Variants in CLCN3 observed in about 807,000 individuals in gnomAD.
CLCN3 encodes H(+)/Cl(-) exchange transporter 3.
Under a neutral mutation model 83.4 loss-of-function variants are expected in CLCN3, and 16 were observed. The observed-to-expected ratio is 0.19, with a 90% CI of 0.13 to 0.29. The LOEUF (loss-of-function observed/expected upper bound fraction) is 0.29, where lower values mean the gene tolerates loss of function less well. Among genes scored for constraint, CLCN3 ranks in the 10% least tolerant of loss-of-function variants. The probability of loss-of-function intolerance (pLI) is 1.00; values close to 1 mark genes in which losing one functional copy is unlikely to be tolerated. For synonymous variants in CLCN3, 322 were observed against 346.2 expected (o/e 0.93, Z 0.78); for missense variants, 544 against 1,006.0 (o/e 0.54, Z 6.21).
chr4:169,717,924 A>G (rs1483606658), intron 12 of CLCN3: 1 of 1,166,596 alleles, frequency 8.6e-7, no homozygotes, highest in East Asian at 2.3e-5. Flanking sequence ...GAAGCATGAA[A>G]CTTGTGAACT....
intron 9 of CLCN3, among the ~76,000 whole-genome samples, chr4:169,703,720 G>C (rs1414807969): frequency 6.7e-6 from 1 of 148,906 alleles, no homozygotes; most frequent in African/African-American, 2.5e-5. Context: ...AATTTTGTTA[G>C]GGACTGACAT....
At chr4:169,681,172 T>A (rs1242544940) in intron 3 of CLCN3, among the ~76,000 whole-genome samples, 4 of 152,196 alleles carry the variant, frequency 2.6e-5, no homozygotes, top group Non-Finnish European at 4.4e-5. Context: ...CTCAGCCTCC[T>A]GAGTAGCTGG....
intron 2 of CLCN3, among the ~76,000 whole-genome samples, chr4:169,644,724 A>G (rs1730524841): frequency 6.6e-6 from 1 of 152,178 alleles, no homozygotes; most frequent in South Asian, 2.1e-4. Flanking sequence ...ACCTGTAAAT[A>G]TGTTACCTTT....
intron 2 of CLCN3, among the ~76,000 whole-genome samples, chr4:169,639,270 G>C (rs1174218580): frequency 6.6e-6 from 1 of 152,176 alleles, no homozygotes; most frequent in African/African-American, 2.4e-5. Context: ...AGGTTCGAAC[G>C]ATCCTCTTGC....
At chr4:169,704,819 T>G (rs539814824) in intron 10 of CLCN3, among the ~76,000 whole-genome samples, 23 of 152,344 alleles carry the variant, frequency 1.5e-4, no homozygotes, top group Non-Finnish European at 2.6e-4. Context: ...GTGATAATAT[T>G]AATGGTTGCC....
At chr4:169,703,786 G>T (rs1229725530) in intron 9 of CLCN3, among the ~76,000 whole-genome samples, 1 of 149,602 alleles carries the variant, frequency 6.7e-6, no homozygotes, top group Non-Finnish European at 1.5e-5. Flanking sequence ...ATTTTTTTCT[G>T]TTTGGCCTAG....
chr4:169,683,870 A>G (rs1427435618), intron 3 of CLCN3, among the ~76,000 whole-genome samples: 1 of 152,058 alleles, frequency 6.6e-6, no homozygotes, highest in African/African-American at 2.4e-5. Flanking sequence ...CAGCACCCCA[A>G]GTAACTGGGA....
At chr4:169,699,766 C>T (rs566922748) in intron 9 of CLCN3, among the ~76,000 whole-genome samples, 3 of 152,048 alleles carry the variant, frequency 2.0e-5, no homozygotes, top group Admixed American at 1.3e-4. Context: ...TCTGTAATCC[C>T]GGCTACTCGA....
At chr4:169,715,591 G>A (rs1733394536) in intron 12 of CLCN3, among the ~76,000 whole-genome samples, 1 of 152,104 alleles carries the variant, frequency 6.6e-6, no homozygotes, top group Admixed American at 6.5e-5. Context: ...TATCATTGAT[G>A]TGTAGTTCAT....
intron 2 of CLCN3, among the ~76,000 whole-genome samples, chr4:169,675,751 T>C (rs1197891387): frequency 1.3e-5 from 2 of 152,336 alleles, no homozygotes; most frequent in East Asian, 3.9e-4. Context: ...ATCTTTATTA[T>C]AAGCTGTAGC....
intron 10 of CLCN3, among the ~76,000 whole-genome samples, chr4:169,705,391 A>G (rs1417557637): frequency 6.6e-6 from 1 of 152,204 alleles, no homozygotes; most frequent in Non-Finnish European, 1.5e-5. Flanking sequence ...GGATGATTTT[A>G]TATTTGAAGT....
intron 3 of CLCN3, chr4:169,680,672 C>T (rs72694795): frequency 0.092 from 14,037 of 152,794 alleles, 675 homozygotes; most frequent in African/African-American, 0.12. Context: ...CCTTTCCCAG[C>T]ATTTGATTCT....
intron 8 of CLCN3, among the ~76,000 whole-genome samples, chr4:169,696,396 AACCAGGAATTTTTTTTT>A (rs1732564184): frequency 6.6e-6 from 1 of 152,094 alleles, no homozygotes. Flanking sequence ...ATAAAAATGT[AACCAGGAATTTTTTTTT>A]AATTTTTTTT....
At chr4:169,680,390 C>T in intron 3 of CLCN3, 183 bp downstream of exon 3, 5 of 482,948 alleles carry the variant, frequency 1.0e-5, no homozygotes, top group Non-Finnish European at 1.8e-5. Flanking sequence ...TTACTTATAC[C>T]CTGTAACTTT....
chr4:169,667,768 A>G (rs1703806455), intron 2 of CLCN3, among the ~76,000 whole-genome samples: 1 of 147,620 alleles, frequency 6.8e-6, no homozygotes, highest in African/African-American at 2.5e-5. Context: ...TTTTTTTGAG[A>G]TGGATCTCGC....
rs754799105 is a variant in CLCN3 at position 169,697,714 on chromosome 4, G to A, written c.1543G>A (p.Val515Ile). ...ACTCATATTTAAAATCATAATGACA[G>A]TATTCACTTTTGGCATCAAGGTAAG... ...LALIFKIIMT[V>I]FTFGIKVPSG... The change falls in exon 9 of 13, where the codon GTA (valine) becomes ATA (isoleucine). Residue 515 changes from valine (V) to isoleucine (I), a missense_variant. Physicochemically the swap from Val to Ile is conservative, Grantham distance 29 (BLOSUM62 3). Coordinates refer to ENST00000513761, the MANE Select transcript of CLCN3 (RefSeq NM_001829.4). The A allele has an allele frequency of 1.9e-6, 3 of 1,608,680 alleles. No individual in the cohort carries two copies. Among genetic ancestry groups the A allele is most frequent in the African/African-American group, 1.3e-5 (1 of 74,972 alleles).
chr4:169,635,673 A>G (rs1482275050), intron 1 of CLCN3, among the ~76,000 whole-genome samples: 2 of 151,964 alleles, frequency 1.3e-5, no homozygotes, highest in African/African-American at 4.8e-5. Context: ...TATACGTTAC[A>G]TTTTTCAACT....
Position 169,649,210 on chromosome 4 carries a change from G to A in CLCN3, c.160+13122G>A, listed in dbSNP as rs147465286. Among the ~76,000 whole-genome samples the A allele has an allele frequency of 5.2e-3, 798 of 152,182 alleles. 21 individuals carry two copies. The highest frequency in any genetic ancestry group is 2.1e-3 in the Non-Finnish European group (141 of 68,000). On this transcript the variant is annotated intron_variant, in intron 2 of 12. Transcript: ENST00000513761. ...CAGGCAGAGGGAAGGAACTTGGAGCGTTAGAGGTAAAATGTCTGGAGTGCA... is the reference window on the plus strand; with the variant it reads ...CAGGCAGAGGGAAGGAACTTGGAGCATTAGAGGTAAAATGTCTGGAGTGCA...
rs1733671824 is a variant in CLCN3 at position 169,722,493 on chromosome 4, CTA to C, written c.*2498_*2499del. 6.6e-6 allele frequency: 1 copy of C among 152,354 alleles called. No homozygotes were observed. The highest frequency in any genetic ancestry group is 2.4e-5 in the African/African-American group (1 of 41,588). 9.4% of individuals were successfully genotyped at this position (152,354 alleles called of 1,614,324 possible). A position where few individuals can be genotyped will look rare whatever the true frequency, so the allele number is the denominator to read the frequency against. On this transcript the variant is annotated 3_prime_UTR_variant, in exon 13 of 13. Transcript: ENST00000513761. Reference sequence around the variant, plus strand: ...TGCCTGTGTGCAACGTATTGCTAGACTATGAACTCCTCAGCATGGCTGCTGGA... The same window carrying C: ...TGCCTGTGTGCAACGTATTGCTAGACTGAACTCCTCAGCATGGCTGCTGGA...
Sources: allele counts gnomAD v4.1 joint callset (sites outside exome capture counted in the v4.1 genomes callset), GRCh38; gene constraint gnomAD v4.1.1; transcripts MANE v1.5; gene names NCBI Gene and HGNC (gene_info 2026-07-23, HGNC 2026-07-21).